The following SFXN5 variants were observed in gnomAD, a reference collection of about 807,000 sequenced individuals.
SFXN5 encodes the protein sideroflexin 5, also known as sideroflexin-5.
In SFXN5, 43 loss-of-function variants were observed where a neutral mutation model predicts 50.2. That is an observed-to-expected ratio of 0.86 (90% CI 0.67 to 1.11). The LOEUF is 1.11. Ranked by LOEUF, SFXN5 falls within the 50% of genes least tolerant of loss-of-function variation. The pLI, the probability that SFXN5 is intolerant of heterozygous loss-of-function variation, is 0.00. For synonymous variants in SFXN5, 203 were observed against 185.8 expected (o/e 1.09, Z -0.75); for missense variants, 463 against 454.1 (o/e 1.02, Z -0.18).
chr2:73,050,392 GCACACACACACACA>G (rs35090808), intron 2 of SFXN5, among the ~76,000 whole-genome samples: 1 of 146,508 alleles, frequency 6.8e-6, no homozygotes, highest in Non-Finnish European at 1.5e-5. Context: ...CACAGCGCAC[GCACACACACACACA>G]CACACACACA....
chr2:72,953,117 G>A lies in SFXN5; in HGVS notation c.945+8014C>T, dbSNP rs544959108. On this transcript the variant is annotated intron_variant, in intron 13 of 13. Transcript: ENST00000272433. The surrounding 1 kb of genome is among the most constrained non-coding windows in gnomAD (Gnocchi z 4.1). ...TATGTGTGCGAGCCTGTGTGCACGC[G>A]CAGGTTTGGGGTGGGGGTGTGGGGA... 7.9e-5 allele frequency among the ~76,000 whole-genome samples: 12 copies of A among 152,302 alleles called. No homozygotes were observed. Among genetic ancestry groups the A allele is most frequent in the South Asian group, 4.1e-4 (2 of 4,828 alleles).
At chr2:73,024,874 A>C (rs1430657166) in intron 3 of SFXN5, among the ~76,000 whole-genome samples, 1 of 152,194 alleles carries the variant, frequency 6.6e-6, no homozygotes, top group Non-Finnish European at 1.5e-5. Flanking sequence ...GTAAAAATAG[A>C]AGTTATAAAA....
chr2:73,047,232 AAAAAAAAAAAAAAATATAT>A (rs1289933927), intron 2 of SFXN5, among the ~76,000 whole-genome samples: 19 of 62,700 alleles, frequency 3.0e-4, no homozygotes, highest in African/African-American at 1.3e-3. Flanking sequence ...AAAAAAAAAA[AAAAAAAAAAAAAAATATAT>A]ATATATATAT....
chr2:73,022,685 G>C, intron 4 of SFXN5, 109 bp from the exon 5 acceptor site: 1 of 724,874 alleles, frequency 1.4e-6, no homozygotes. Context: ...GGAGGAAGAA[G>C]GGAAGAAGAC....
chr2:73,006,456 T>C (rs1244452044), intron 6 of SFXN5, among the ~76,000 whole-genome samples: 3 of 152,088 alleles, frequency 2.0e-5, no homozygotes, highest in South Asian at 4.1e-4. Flanking sequence ...ACCCCATCTC[T>C]AGTAAAAATG....
chr2:73,053,872 C>T (rs1432433234), intron 2 of SFXN5, among the ~76,000 whole-genome samples: 1 of 152,198 alleles, frequency 6.6e-6, no homozygotes, highest in Non-Finnish European at 1.5e-5. Flanking sequence ...CCACCCCGTG[C>T]TCCCTCCCAG....
intron 6 of SFXN5, among the ~76,000 whole-genome samples, chr2:73,013,787 T>C (rs1380708485): frequency 6.6e-6 from 1 of 152,088 alleles, no homozygotes; most frequent in African/African-American, 2.4e-5. Flanking sequence ...TCAATTTTTT[T>C]GTGAAGATGT....
chr2:72,969,939 G>A (rs368942511), intron 11 of SFXN5, among the ~76,000 whole-genome samples: 1 of 152,074 alleles, frequency 6.6e-6, no homozygotes. Flanking sequence ...TCTGAGCTCC[G>A]ACAGCCACTG....
rs1453145985 is a variant in SFXN5 at position 72,950,344 on chromosome 2, T to A, written c.946-5245A>T. On this transcript the variant is annotated intron_variant, in intron 13 of 13. Transcript: ENST00000272433. The surrounding 1 kb of genome is among the most constrained non-coding windows in gnomAD (Gnocchi z 4.2). Reference sequence around the variant, plus strand: ...ACTGGATTTCAGTGACTGCCTGGGGTCCACATTGTCCGACCCCCACCTCAT... The same window carrying A: ...ACTGGATTTCAGTGACTGCCTGGGGACCACATTGTCCGACCCCCACCTCAT... 1.3e-5 allele frequency among the ~76,000 whole-genome samples: 2 copies of A among 151,882 alleles called. No homozygotes were observed. The highest frequency in any genetic ancestry group is 4.8e-5 in the African/African-American group (2 of 41,340).
intron 3 of SFXN5, among the ~76,000 whole-genome samples, chr2:73,026,854 G>A (rs1029224466): frequency 6.6e-6 from 1 of 151,736 alleles, no homozygotes; most frequent in African/African-American, 2.4e-5. Context: ...TCAGCCTCCC[G>A]AGTAGCTGGG....
rs1282579289 is a variant in SFXN5 at position 73,071,663 on chromosome 2, C to A, written c.43G>T (p.Ala15Ser). ...GGTGCATCGCTCGAGGCGCTAGCGG[C>A]ACTAGCCGCCGCCGCCGATGCTGTA... ...ATTASAAAAS[A>S]ASASSDAPPF... Residue 15 changes from alanine (A) to serine (S), a missense_variant, in exon 1 of 14, where the codon GCC (alanine) becomes TCC (serine). By Grantham distance (99) the Ala-to-Ser change is moderately conservative. Transcript: ENST00000272433. 6 of 1,612,790 alleles carry A rather than the reference C, an allele frequency of 3.7e-6. No homozygotes were observed. The Admixed American group carries it at 5.0e-5, about 13-fold the overall frequency.
rs1271303132 is a variant in SFXN5 at position 72,973,014 on chromosome 2, C to T, written c.626-1329G>A. Among the ~76,000 whole-genome samples, 3 of 151,978 alleles carry T rather than the reference C, an allele frequency of 2.0e-5. No individual in the cohort carries two copies. The highest frequency in any genetic ancestry group is 4.8e-5 in the African/African-American group (2 of 41,378). Reference sequence around the variant, plus strand: ...CAGATGCTCCTGGGGCCTGAGCCAACGAGTGGTCCAGGGTGCTCACAGCTG... The same window carrying T: ...CAGATGCTCCTGGGGCCTGAGCCAATGAGTGGTCCAGGGTGCTCACAGCTG... On this transcript the variant is annotated intron_variant, in intron 10 of 13. Coordinates refer to ENST00000272433, the MANE Select transcript of SFXN5 (RefSeq NM_144579.3). The surrounding 1 kb of genome is among the most constrained non-coding windows in gnomAD (Gnocchi z 5.5).
chr2:73,002,128 TTGTATC>T (rs536355233), intron 6 of SFXN5, among the ~76,000 whole-genome samples: 52 of 152,358 alleles, frequency 3.4e-4, no homozygotes, highest in African/African-American at 1.2e-3. Flanking sequence ...TTGGGGGAAT[TTGTATC>T]TGTTATCTGT....
At chr2:73,059,785 A>G in intron 1 of SFXN5, 3 of 979,782 alleles carry the variant, frequency 3.1e-6, no homozygotes, top group African/African-American at 1.8e-5. Context: ...AAAGACATAC[A>G]TAAGGGAGGC....
intron 6 of SFXN5, among the ~76,000 whole-genome samples, chr2:73,004,065 C>G (rs146108220): frequency 8.5e-5 from 13 of 152,288 alleles, no homozygotes; most frequent in African/African-American, 3.1e-4. Flanking sequence ...AACGGGACAA[C>G]TGAGGCTTAG....
At chr2:73,020,350 G>A (rs1574137334) in intron 5 of SFXN5, 86 bp from the exon 6 acceptor site, 3 of 1,360,624 alleles carry the variant, frequency 2.2e-6, no homozygotes, top group Non-Finnish European at 3.1e-6. Flanking sequence ...TAGGTCTTAG[G>A]CTATCAGTGG....
At chr2:73,015,599 C>T (rs1676047298) in intron 6 of SFXN5, among the ~76,000 whole-genome samples, 1 of 152,124 alleles carries the variant, frequency 6.6e-6, no homozygotes, top group Non-Finnish European at 1.5e-5. Context: ...GGATAAGAGG[C>T]ATGAACCACT....
intron 6 of SFXN5, among the ~76,000 whole-genome samples, chr2:73,010,054 T>G (rs1675297712): frequency 6.6e-6 from 1 of 152,246 alleles, no homozygotes; most frequent in African/African-American, 2.4e-5. Context: ...TTTAACAAAG[T>G]GATGATACCA....
chr2:73,018,085 G>A (rs1676393799), intron 6 of SFXN5, among the ~76,000 whole-genome samples: 1 of 152,146 alleles, frequency 6.6e-6, no homozygotes, highest in Non-Finnish European at 1.5e-5. Flanking sequence ...GCACATGTCT[G>A]TAGCCCTAGC....
Sources: gnomAD v4.1 joint callset for allele counts (sites outside exome capture counted in the v4.1 genomes callset) on GRCh38, gnomAD v4.1.1 for gene constraint, Gnocchi (gnomAD v3.1) non-coding constraint, MANE v1.5 for transcripts, NCBI Gene and HGNC (gene_info 2026-07-23, HGNC 2026-07-21) for gene names.